Variants in DOCK4 observed in about 807,000 individuals in gnomAD.
The protein encoded by DOCK4 is dedicator of cytokinesis protein 4.
Under a neutral mutation model 268.1 loss-of-function variants are expected in DOCK4, and 97 were observed. The observed-to-expected ratio is 0.36, with a 90% CI of 0.31 to 0.43. The LOEUF (loss-of-function observed/expected upper bound fraction) is 0.43. Ranked by LOEUF, DOCK4 falls within the 20% of genes least tolerant of loss-of-function variation. The pLI, the probability that DOCK4 is intolerant of heterozygous loss-of-function variation, is 1.00. For synonymous variants in DOCK4, 954 were observed against 887.2 expected (o/e 1.08, Z -1.34); for missense variants, 2,145 against 2,455.7 (o/e 0.87, Z 2.67).
chr7:111,817,715 C>T (rs1319514942), intron 27 of DOCK4, among the ~76,000 whole-genome samples: 2 of 152,168 alleles, frequency 1.3e-5, no homozygotes, highest in Non-Finnish European at 1.5e-5. Flanking sequence ...ATATTTCTGT[C>T]TTTTACTAAC....
intron 1 of DOCK4, among the ~76,000 whole-genome samples, chr7:112,029,552 G>A (rs1052874141): frequency 6.6e-6 from 1 of 152,198 alleles, no homozygotes; most frequent in African/African-American, 2.4e-5. Flanking sequence ...AACTGAGGTT[G>A]GATGAGAACT....
At chr7:112,027,681 A>C (rs542744877) in intron 1 of DOCK4, among the ~76,000 whole-genome samples, 1 of 152,366 alleles carries the variant, frequency 6.6e-6, no homozygotes, top group South Asian at 2.1e-4. Flanking sequence ...ACGTGCTAAG[A>C]AACTGGGCTG....
intron 16 of DOCK4, among the ~76,000 whole-genome samples, chr7:111,884,494 T>A (rs1001338876): frequency 1.3e-5 from 2 of 152,214 alleles, no homozygotes; most frequent in Admixed American, 6.5e-5. Flanking sequence ...ATTTTTAATT[T>A]ATAGATAAAA....
At chr7:112,035,510 C>T (rs904422388) in intron 1 of DOCK4, among the ~76,000 whole-genome samples, 6 of 151,980 alleles carry the variant, frequency 3.9e-5, no homozygotes, top group Non-Finnish European at 8.8e-5. Flanking sequence ...CTGTAGAAAT[C>T]AGGAAATGCA....
chr7:111,761,048 C>A (rs73432085), intron 39 of DOCK4, among the ~76,000 whole-genome samples: 83 of 149,698 alleles, frequency 5.5e-4, no homozygotes, highest in African/African-American at 2.0e-3. Flanking sequence ...AATTGGGGAA[C>A]CAGGGCTTAA....
chr7:111,772,116 T>C (rs890326272), intron 36 of DOCK4, among the ~76,000 whole-genome samples: 1 of 152,192 alleles, frequency 6.6e-6, no homozygotes, highest in Non-Finnish European at 1.5e-5. Context: ...GGGGAGTTAG[T>C]GTTTAATGGG....
At chr7:111,850,935 C>A (rs1017286136) in intron 23 of DOCK4, among the ~76,000 whole-genome samples, 2 of 152,174 alleles carry the variant, frequency 1.3e-5, no homozygotes, top group Admixed American at 6.5e-5. Flanking sequence ...TAACACTTAC[C>A]ATCCTCAGCA....
Position 112,066,523 on chromosome 7 carries a change from C to T in DOCK4, c.38-62392G>A, listed in dbSNP as rs6962722. ...CTCTCTCTCTCTCTCTATATATATA[C>T]ACACACACATATATATACATACACA... On this transcript the variant is annotated intron_variant, in intron 1 of 52. Transcript: ENST00000428084. Among the ~76,000 whole-genome samples, 80 of 118,694 alleles carry T rather than the reference C, an allele frequency of 6.7e-4. 1 individual carries two copies. Among genetic ancestry groups the T allele is most frequent in the African/African-American group, 2.4e-3 (43 of 18,152 alleles). 77.9% of individuals were successfully genotyped at this position (118,694 alleles called of 152,430 possible).
chr7:111,986,512 A>T (rs1207225118), intron 6 of DOCK4, among the ~76,000 whole-genome samples: 1 of 152,228 alleles, frequency 6.6e-6, no homozygotes, highest in Admixed American at 6.5e-5. Context: ...GAAGTGCCTT[A>T]CAAAGAATAA....
At chr7:111,947,516 A>G (rs968770108) in intron 8 of DOCK4, among the ~76,000 whole-genome samples, 4 of 151,940 alleles carry the variant, frequency 2.6e-5, no homozygotes, top group African/African-American at 9.7e-5. Context: ...CATGAAGAGA[A>G]TAAAAATTGC....
chr7:112,011,255 C>A (rs1349764801), intron 1 of DOCK4, among the ~76,000 whole-genome samples: 1 of 152,330 alleles, frequency 6.6e-6, no homozygotes, highest in Non-Finnish European at 1.5e-5. Flanking sequence ...TTCCTCGTCA[C>A]TGCACTGGGG....
At chr7:112,035,714 A>T (rs1201681560) in intron 1 of DOCK4, among the ~76,000 whole-genome samples, 1 of 152,152 alleles carries the variant, frequency 6.6e-6, no homozygotes, top group Non-Finnish European at 1.5e-5. Flanking sequence ...CATAAAGATG[A>T]TTGTTGTTCT....
At position 111,962,221 on chromosome 7, in the gene DOCK4, C is replaced by T. The variant is rs768034606; in HGVS notation, c.701+14911G>A. On this transcript the variant is annotated intron_variant, in intron 8 of 52. Transcript: ENST00000428084. ...ATATACCTAAAAAAATAAACAGTTG[C>T]TTGGAACATATTTCTTTAAGGCTTC... Among the ~76,000 whole-genome samples the T allele has an allele frequency of 1.5e-4, 23 of 152,176 alleles. 1 individual carries two copies. The South Asian group carries it at 4.1e-3, about 27-fold the overall frequency.
chr7:111,841,587 C>A (rs1027723872), intron 25 of DOCK4, among the ~76,000 whole-genome samples: 32 of 152,086 alleles, frequency 2.1e-4, no homozygotes, highest in Non-Finnish European at 3.4e-4. Context: ...AAAAAAAAGT[C>A]TTAAAGCATA....
At chr7:112,005,486 C>T (rs1359012887) in intron 1 of DOCK4, among the ~76,000 whole-genome samples, 1 of 152,164 alleles carries the variant, frequency 6.6e-6, no homozygotes, top group Non-Finnish European at 1.5e-5. Flanking sequence ...TAACTATAAC[C>T]ATGAATACCA....
intron 1 of DOCK4, among the ~76,000 whole-genome samples, chr7:112,099,307 A>G (rs1318742980): frequency 6.6e-6 from 1 of 151,550 alleles, no homozygotes; most frequent in Non-Finnish European, 1.5e-5. Flanking sequence ...TAAAAAAAAA[A>G]AAAAAAAAAA....
intron 1 of DOCK4, among the ~76,000 whole-genome samples, chr7:112,189,746 G>GGTTTTTT: frequency 1.0e-5 from 1 of 95,806 alleles, no homozygotes; most frequent in South Asian, 3.7e-4. Context: ...TCTGGGTTTT[G>GGTTTTTT]TTTTTTTTTT....
At chr7:111,732,856 A>G (rs368566429) in intron 51 of DOCK4, among the ~76,000 whole-genome samples, 1 of 152,174 alleles carries the variant, frequency 6.6e-6, no homozygotes, top group South Asian at 2.1e-4. Context: ...GCTTGTACTC[A>G]GGTCTTCCCA....
intron 37 of DOCK4, 33 bp from the exon 38 acceptor site, chr7:111,767,151 T>G: frequency 6.4e-7 from 1 of 1,570,026 alleles, no homozygotes; most frequent in Non-Finnish European, 8.7e-7. Context: ...AATGGAACCA[T>G]CTGACAATAT....
Sources: gnomAD v4.1 joint callset for allele counts (sites outside exome capture counted in the v4.1 genomes callset) on GRCh38, gnomAD v4.1.1 for gene constraint, MANE v1.5 for transcripts, NCBI Gene and HGNC (gene_info 2026-07-23, HGNC 2026-07-21) for gene names.